The following USP26 variants were observed in gnomAD, a reference collection of about 807,000 sequenced individuals.
The protein encoded by USP26 is ubiquitin carboxyl-terminal hydrolase 26.
For synonymous variants in USP26, 236 were observed against 240.6 expected (o/e 0.98, Z 0.18); for missense variants, 649 against 642.3 (o/e 1.01, Z -0.11).
At position 133,025,522 on chromosome X, in the gene USP26, T is replaced by TG. The variant is rs1275404870; in HGVS notation, c.2698dup (p.Gln900ProfsTer3). Reference sequence around the variant, plus strand: ...CTCCTCTACCTCCTTGCTATTAAGCTGGGCATTCTCTTCTCTTTTCAACAT... The same window carrying TG: ...CTCCTCTACCTCCTTGCTATTAAGCTGGGGCATTCTCTTCTCTTTTCAACAT... On this transcript the variant is annotated frameshift_variant, in exon 6 of 6. Coordinates refer to ENST00000511190, the MANE Select transcript of USP26 (RefSeq NM_031907.3). LOFTEE classifies it low-confidence loss of function (END_TRUNC). The TG allele has an allele frequency of 8.3e-7, 1 of 1,209,481 alleles. No homozygotes were observed. Among genetic ancestry groups the TG allele is most frequent in the Non-Finnish European group, 1.1e-6 (1 of 895,025 alleles).
chrX:133,063,732 C>T (rs2067501805), intron 5 of USP26, among the ~76,000 whole-genome samples: 1 of 111,565 alleles, frequency 9.0e-6, no homozygotes, highest in Non-Finnish European at 1.9e-5. Flanking sequence ...GAAGGAAGCA[C>T]TAAACATGGA....
intron 3 of USP26, among the ~76,000 whole-genome samples, chrX:133,090,473 G>A (rs2067603321): frequency 1.8e-5 from 2 of 112,492 alleles, no homozygotes; most frequent in Admixed American, 9.4e-5. Context: ...CTCCAGAAGT[G>A]TAAACTTTGG....
intron 5 of USP26, among the ~76,000 whole-genome samples, chrX:133,044,288 C>T (rs757064474): frequency 8.8e-6 from 1 of 113,533 alleles, no homozygotes; most frequent in East Asian, 2.8e-4. Flanking sequence ...GCTTGAGGAG[C>T]CCTTCAGCCC....
intron 5 of USP26, among the ~76,000 whole-genome samples, chrX:133,031,695 C>T (rs755009158): frequency 9.0e-6 from 1 of 111,638 alleles, no homozygotes; most frequent in South Asian, 3.8e-4. Context: ...GTATGGAGTA[C>T]TAGAAAGCAT....
At chrX:133,041,614 G>A (rs1278377085) in intron 5 of USP26, among the ~76,000 whole-genome samples, 1 of 112,084 alleles carries the variant, frequency 8.9e-6, no homozygotes, top group African/African-American at 3.2e-5. Context: ...GAATTCTCCT[G>A]TATGAGGTGT....
chrX:133,052,152 C>T (rs950892724), intron 5 of USP26, among the ~76,000 whole-genome samples: 1 of 112,164 alleles, frequency 8.9e-6, no homozygotes, highest in African/African-American at 3.2e-5. Flanking sequence ...CAGTTAATAT[C>T]CTTATGGATG....
chrX:133,032,098 G>A (rs963589233), intron 5 of USP26, among the ~76,000 whole-genome samples: 2 of 111,198 alleles, frequency 1.8e-5, no homozygotes, highest in Non-Finnish European at 3.8e-5. Flanking sequence ...GCAGTGCGCC[G>A]AGTTCATGCC....
chrX:133,051,170 C>T (rs1046854099), intron 5 of USP26, among the ~76,000 whole-genome samples: 5 of 111,612 alleles, frequency 4.5e-5, no homozygotes, highest in Non-Finnish European at 9.4e-5. Flanking sequence ...TGTCAACCAA[C>T]AGCAGAAGTC....
intron 5 of USP26, among the ~76,000 whole-genome samples, chrX:133,062,254 T>C (rs967952783): frequency 9.0e-6 from 1 of 111,494 alleles, no homozygotes; most frequent in Non-Finnish European, 1.9e-5. Context: ...CAGCGGCTTA[T>C]AGATAAAACT....
At chrX:133,075,323 A>T (rs774319762) in intron 5 of USP26, among the ~76,000 whole-genome samples, 1 of 112,081 alleles carries the variant, frequency 8.9e-6, no homozygotes, top group South Asian at 3.7e-4. Flanking sequence ...CTGAGGGAAA[A>T]TTTCTTTCTT....
chrX:133,095,346 A>C (rs1050023100), intron 1 of USP26, among the ~76,000 whole-genome samples: 17 of 111,640 alleles, frequency 1.5e-4, no homozygotes, highest in African/African-American at 5.5e-4. Flanking sequence ...AAGACACTTA[A>C]GTGCAGTCAC....
Position 133,027,293 on chromosome X carries a change from A to G in USP26, c.928T>C (p.Leu310=). Residue 310 remains leucine (L), a synonymous_variant, in exon 6 of 6, where the codon TTA becomes CTA. Coordinates refer to ENST00000511190, the MANE Select transcript of USP26 (RefSeq NM_031907.3). ...GATGGGATTGAAAGTAGAGACTGTA[A>G]CACTGCATTCATATAACAGGTGTTT... ...LGNTCYMNAV[L]QSLLSIPSFA... 1 of 1,211,446 alleles carries G rather than the reference A, an allele frequency of 8.3e-7. No individual in the cohort carries two copies. The highest frequency in any genetic ancestry group is 2.2e-5 in the Admixed American group (1 of 46,033).
intron 5 of USP26, among the ~76,000 whole-genome samples, chrX:133,050,136 A>C (rs1411402545): frequency 1.8e-5 from 2 of 112,092 alleles, no homozygotes; most frequent in Admixed American, 9.5e-5. Context: ...TGCACACTTT[A>C]AACCAGGTGT....
intron 5 of USP26, among the ~76,000 whole-genome samples, chrX:133,042,867 A>G (rs922079557): frequency 9.0e-6 from 1 of 111,147 alleles, no homozygotes; most frequent in African/African-American, 3.3e-5. Context: ...AAGAGGGAAG[A>G]CCTGGAACCA....
At position 133,024,062 on chromosome X, in the gene USP26, A is replaced by G. The variant is rs952905551; in HGVS notation, c.*1417T>C. Among the ~76,000 whole-genome samples the G allele has an allele frequency of 8.9e-6, 1 of 111,874 alleles. No individual in the cohort carries two copies. The highest frequency in any genetic ancestry group is 3.2e-5 in the African/African-American group (1 of 30,774). Reference sequence around the variant, plus strand: ...TGATAATAGTGGTGGCACATGCTTGATGGCAAAATTATTAAATCCCCTGGA... The same window carrying G: ...TGATAATAGTGGTGGCACATGCTTGGTGGCAAAATTATTAAATCCCCTGGA... On this transcript the variant is annotated 3_prime_UTR_variant, in exon 6 of 6. Transcript: ENST00000511190.
At position 133,024,046 on chromosome X, in the gene USP26, T is replaced by C. The variant is rs1221442907; in HGVS notation, c.*1433A>G. On this transcript the variant is annotated 3_prime_UTR_variant, in exon 6 of 6. Transcript: ENST00000511190. ...AGGCAGGAAAAGGTTATGATAATAG[T>C]GGTGGCACATGCTTGATGGCAAAAT... Among the ~76,000 whole-genome samples, 1 of 111,847 alleles carries C rather than the reference T, an allele frequency of 8.9e-6. No individual in the cohort carries two copies.
At position 133,094,570 on chromosome X, in the gene USP26, C is replaced by T. The variant is rs185339752; in HGVS notation, c.-393+2460G>A. Among the ~76,000 whole-genome samples, 324 of 111,273 alleles carry T rather than the reference C, an allele frequency of 2.9e-3. 2 individuals carry two copies. Among genetic ancestry groups the T allele is most frequent in the Non-Finnish European group, 5.2e-3 (275 of 53,116 alleles). ...TCACTGCCAGAAAGTAAACATTTGACGTTACAGTTAATTTCCTCATTTACA... is the reference window on the plus strand; with the variant it reads ...TCACTGCCAGAAAGTAAACATTTGATGTTACAGTTAATTTCCTCATTTACA... On this transcript the variant is annotated intron_variant, in intron 1 of 5. Transcript: ENST00000511190.
chrX:133,038,482 T>A (rs1278579504), intron 5 of USP26, among the ~76,000 whole-genome samples: 1 of 112,055 alleles, frequency 8.9e-6, no homozygotes, highest in African/African-American at 3.2e-5. Context: ...GATTTGCATA[T>A]GTTTAACCAG....
At chrX:133,028,584 C>T (rs2067364896) in intron 5 of USP26, among the ~76,000 whole-genome samples, 1 of 112,190 alleles carries the variant, frequency 8.9e-6, no homozygotes, top group Non-Finnish European at 1.9e-5. Flanking sequence ...GTAGTTTCCA[C>T]CAAAATACTG....
Sources: allele counts gnomAD v4.1 joint callset (sites outside exome capture counted in the v4.1 genomes callset), GRCh38; gene constraint gnomAD v4.1.1; transcripts MANE v1.5; gene names NCBI Gene and HGNC (gene_info 2026-07-23, HGNC 2026-07-21).